UBAC2: variants seen among roughly 807,000 people sequenced by gnomAD.
UBAC2 encodes the protein ubiquitin-associated domain-containing protein 2.
A neutral mutation model predicts 44.0 loss-of-function variants in UBAC2; 26 were observed. That is an observed-to-expected ratio of 0.59 (90% CI 0.43 to 0.82). The LOEUF is 0.82. Among genes scored for constraint, UBAC2 ranks in the 40% least tolerant of loss-of-function variants. The pLI, the probability that UBAC2 is intolerant of heterozygous loss-of-function variation, is 0.00. For synonymous variants in UBAC2, 155 were observed against 154.3 expected, an observed-to-expected ratio of 1.00 and a Z score of -0.04; for missense variants, 329 against 419.4, an observed-to-expected ratio of 0.78 and a Z score of 1.88.
chr13:99,336,296 T>C (rs751145918), intron 6 of UBAC2, among the ~76,000 whole-genome samples: 21 of 152,224 alleles, frequency 1.4e-4, no homozygotes, highest in Admixed American at 2.0e-4. Context: ...TTTCATTTCA[T>C]TTATGGTAGC....
chr13:99,376,172 T>C (rs2045478036), intron 8 of UBAC2, among the ~76,000 whole-genome samples: 1 of 152,184 alleles, frequency 6.6e-6, no homozygotes, highest in South Asian at 2.1e-4. Flanking sequence ...AAAAGCACAT[T>C]ATTAGGGAAT....
At chr13:99,275,896 A>C (rs979187820) in intron 4 of UBAC2, among the ~76,000 whole-genome samples, 1 of 152,046 alleles carries the variant, frequency 6.6e-6, no homozygotes, top group African/African-American at 2.4e-5. Flanking sequence ...GGATCTGTGC[A>C]TTTGTTTCTT....
At chr13:99,345,356 A>G (rs1050225982) in intron 7 of UBAC2, among the ~76,000 whole-genome samples, 12 of 150,984 alleles carry the variant, frequency 7.9e-5, no homozygotes, top group Non-Finnish European at 1.6e-4. Flanking sequence ...GCACAGTGTA[A>G]GATGGACGGG....
intron 2 of UBAC2, among the ~76,000 whole-genome samples, chr13:99,242,812 G>T: frequency 6.8e-6 from 1 of 147,002 alleles, no homozygotes; most frequent in Non-Finnish European, 1.5e-5. Flanking sequence ...CTGCCGGGCG[G>T]AGGGGCTCCT....
At chr13:99,287,506 C>T (rs758012978) in intron 4 of UBAC2, among the ~76,000 whole-genome samples, 18 of 152,118 alleles carry the variant, frequency 1.2e-4, no homozygotes, top group African/African-American at 1.7e-4. Flanking sequence ...CTAACTGCAG[C>T]CTTGACTTGC....
At chr13:99,320,773 A>C (rs1377085584) in intron 6 of UBAC2, among the ~76,000 whole-genome samples, 1 of 152,214 alleles carries the variant, frequency 6.6e-6, no homozygotes, top group African/African-American at 2.4e-5. Context: ...GTAAAAGACA[A>C]TATCAGTATT....
chr13:99,287,144 G>C (rs1366992330), intron 4 of UBAC2, among the ~76,000 whole-genome samples: 5 of 152,018 alleles, frequency 3.3e-5, no homozygotes, highest in African/African-American at 1.2e-4. Context: ...GATCCCTAAT[G>C]GGACACTGGT....
intron 7 of UBAC2, among the ~76,000 whole-genome samples, chr13:99,367,197 C>A (rs542620095): frequency 7.3e-4 from 111 of 152,310 alleles, no homozygotes; most frequent in African/African-American, 2.5e-3. Flanking sequence ...TCACTTCTCA[C>A]CTTTTTGCTG....
intron 8 of UBAC2, among the ~76,000 whole-genome samples, chr13:99,374,157 G>C (rs2045447662): frequency 6.6e-6 from 1 of 152,164 alleles, no homozygotes; most frequent in Non-Finnish European, 1.5e-5. Flanking sequence ...AGTGCATTTT[G>C]TAAGAAGGAA....
chr13:99,319,590 G>GT (rs2044542333), intron 6 of UBAC2, among the ~76,000 whole-genome samples: 2 of 152,152 alleles, frequency 1.3e-5, no homozygotes, highest in Non-Finnish European at 2.9e-5. Flanking sequence ...CCAATATTCT[G>GT]GGGCTCCAAG....
chr13:99,378,239 A>C (rs568158133), intron 8 of UBAC2, among the ~76,000 whole-genome samples: 3 of 152,212 alleles, frequency 2.0e-5, no homozygotes, highest in South Asian at 4.1e-4. Context: ...AAAAACTTCA[A>C]TATCTGGCTG....
chr13:99,348,676 T>C (rs1246107930), intron 7 of UBAC2, among the ~76,000 whole-genome samples: 1 of 152,232 alleles, frequency 6.6e-6, no homozygotes, highest in East Asian at 1.9e-4. Context: ...GATTTATTTT[T>C]AAGAAAGCTC....
At chr13:99,310,915 A>T (rs1052288163) in intron 4 of UBAC2, among the ~76,000 whole-genome samples, 8 of 152,220 alleles carry the variant, frequency 5.3e-5, no homozygotes, top group Admixed American at 1.3e-4. Flanking sequence ...CTCTGGTGCG[A>T]TTGGCTCCCC....
intron 6 of UBAC2, among the ~76,000 whole-genome samples, chr13:99,330,579 C>T (rs1360711470): frequency 6.6e-6 from 1 of 150,938 alleles, no homozygotes; most frequent in Non-Finnish European, 1.5e-5. Context: ...GAGTTTTCAA[C>T]ATAGGTGGTC....
chr13:99,207,445 T>C (rs571957637), intron 1 of UBAC2, among the ~76,000 whole-genome samples: 2 of 152,326 alleles, frequency 1.3e-5, no homozygotes, highest in Admixed American at 6.5e-5. Context: ...CCACCTTCTT[T>C]CCAGCTCTTA....
At chr13:99,258,004 A>T (rs925989730) in intron 4 of UBAC2, 1 of 152,230 alleles carries the variant, frequency 6.6e-6, no homozygotes, top group Non-Finnish European at 1.5e-5. Context: ...GGCACAACTG[A>T]TCCTCCTGCC....
intron 6 of UBAC2, among the ~76,000 whole-genome samples, chr13:99,337,783 C>G (rs61970338): frequency 0.031 from 4,644 of 152,250 alleles, 92 homozygotes; most frequent in Middle Eastern, 0.13. Context: ...CTTTTCCCTT[C>G]TCTCTGTGGA....
chr13:99,297,250 A>T (rs1566490733), intron 4 of UBAC2, among the ~76,000 whole-genome samples: 1 of 152,218 alleles, frequency 6.6e-6, no homozygotes, highest in Non-Finnish European at 1.5e-5. Context: ...GAACAGAGCA[A>T]TAAATCCTGT....
Position 99,304,621 on chromosome 13 carries a change from A to G in UBAC2, c.390-9476A>G, listed in dbSNP as rs539857724. ...GTAAGCCCTTGATGAATAATAATCAATTAAAATTACTAAGCAGAGACTGTG... is the reference window on the plus strand; with the variant it reads ...GTAAGCCCTTGATGAATAATAATCAGTTAAAATTACTAAGCAGAGACTGTG... On this transcript the variant is annotated intron_variant, in intron 4 of 8. Transcript: ENST00000403766. Among the ~76,000 whole-genome samples, 6 of 152,312 alleles carry G rather than the reference A, an allele frequency of 3.9e-5. No homozygotes were observed. The South Asian group carries it at 8.3e-4, about 21-fold the overall frequency.
Sources: allele counts gnomAD v4.1 joint callset (sites outside exome capture counted in the v4.1 genomes callset), GRCh38; gene constraint gnomAD v4.1.1; transcripts MANE v1.5; gene names NCBI Gene and HGNC (gene_info 2026-07-23, HGNC 2026-07-21).